MAGI3: variants seen among roughly 807,000 people sequenced by gnomAD.
MAGI3 encodes membrane-associated guanylate kinase, WW and PDZ domain-containing protein 3.
In MAGI3, 43 loss-of-function variants were observed where a neutral mutation model predicts 121.8. The observed-to-expected ratio is 0.35, with a 90% CI of 0.28 to 0.46. The LOEUF (loss-of-function observed/expected upper bound fraction) is 0.46, where lower values mean the gene tolerates loss of function less well. MAGI3 is among the 20% of genes least tolerant of loss of function. The pLI is 1.00. For synonymous variants in MAGI3, 553 were observed against 639.3 expected (o/e 0.86, Z 2.04); for missense variants, 1,547 against 1,797.3 (o/e 0.86, Z 2.52).
intron 1 of MAGI3, among the ~76,000 whole-genome samples, chr1:113,396,848 G>A (rs1307264762): frequency 6.6e-6 from 1 of 152,014 alleles, no homozygotes; most frequent in Non-Finnish European, 1.5e-5. Context: ...CTGTAGTAAG[G>A]GTTTTGCCTT....
chr1:113,401,722 C>T (rs1350127915), intron 1 of MAGI3, among the ~76,000 whole-genome samples: 5 of 152,276 alleles, frequency 3.3e-5, no homozygotes, highest in East Asian at 1.9e-4. Context: ...TAGAAAGGAA[C>T]GTACTTTAGA....
intron 5 of MAGI3, among the ~76,000 whole-genome samples, chr1:113,593,804 A>G (rs1355519157): frequency 6.6e-6 from 1 of 152,202 alleles, no homozygotes; most frequent in Non-Finnish European, 1.5e-5. Context: ...GGCCTATATC[A>G]TAAAATGAAG....
At chr1:113,618,579 C>G in intron 7 of MAGI3, 1 of 434,122 alleles carries the variant, frequency 2.3e-6, no homozygotes, top group Non-Finnish European at 4.6e-6. Context: ...GATCTCGGCT[C>G]ACTGCAACCT....
chr1:113,461,750 G>T (rs1365080994), intron 1 of MAGI3, among the ~76,000 whole-genome samples: 1 of 152,166 alleles, frequency 6.6e-6, no homozygotes, highest in Admixed American at 6.5e-5. Context: ...AAGAGCTTCT[G>T]CATAGCAAAA....
chr1:113,411,166 C>T (rs1651956473), intron 1 of MAGI3, among the ~76,000 whole-genome samples: 1 of 152,116 alleles, frequency 6.6e-6, no homozygotes, highest in Non-Finnish European at 1.5e-5. Flanking sequence ...TATTTAAAAA[C>T]TTGACAGATG....
chr1:113,523,502 G>A (rs1275796960), intron 1 of MAGI3, among the ~76,000 whole-genome samples: 1 of 152,160 alleles, frequency 6.6e-6, no homozygotes, highest in African/African-American at 2.4e-5. Context: ...ATGGAAATGA[G>A]GAACTTGTTG....
intron 1 of MAGI3, among the ~76,000 whole-genome samples, chr1:113,463,402 C>CA (rs11428519): frequency 0.15 from 23,060 of 151,106 alleles, 2,792 homozygotes; most frequent in East Asian, 0.63. Context: ...TGAGAGGGTG[C>CA]AACCAGTGAG....
chr1:113,645,939 G>GT (rs1652806627), intron 11 of MAGI3, among the ~76,000 whole-genome samples: 1 of 152,106 alleles, frequency 6.6e-6, no homozygotes, highest in Non-Finnish European at 1.5e-5. Flanking sequence ...GTCTTGCATG[G>GT]TACATTTTCT....
At chr1:113,675,892 A>G (rs1345626477) in intron 19 of MAGI3, among the ~76,000 whole-genome samples, 1 of 152,222 alleles carries the variant, frequency 6.6e-6, no homozygotes, top group East Asian at 1.9e-4. Flanking sequence ...CATCTGCAAA[A>G]TGCAGAACCA....
intron 17 of MAGI3, 78 bp downstream of exon 17, chr1:113,671,914 C>G: frequency 1.6e-6 from 2 of 1,263,320 alleles, no homozygotes; most frequent in East Asian, 4.9e-5. Flanking sequence ...AACCCCACTC[C>G]CCATCATCCA....
At chr1:113,509,202 T>G (rs1246425471) in intron 1 of MAGI3, among the ~76,000 whole-genome samples, 2 of 152,136 alleles carry the variant, frequency 1.3e-5, no homozygotes, top group African/African-American at 4.8e-5. Flanking sequence ...TTTACTCATT[T>G]TAAAACTTTA....
chr1:113,548,684 A>C (rs992067919), intron 1 of MAGI3, among the ~76,000 whole-genome samples: 1 of 152,226 alleles, frequency 6.6e-6, no homozygotes, highest in African/African-American at 2.4e-5. Context: ...TTTTGTTGCA[A>C]GTATAAGATA....
intron 1 of MAGI3, among the ~76,000 whole-genome samples, chr1:113,548,164 C>T (rs1659621325): frequency 6.6e-6 from 1 of 152,174 alleles, no homozygotes; most frequent in Non-Finnish European, 1.5e-5. Context: ...AAGTGCGTTG[C>T]TCTAAATAAA....
At chr1:113,456,514 G>A (rs952350921) in intron 1 of MAGI3, among the ~76,000 whole-genome samples, 8 of 152,138 alleles carry the variant, frequency 5.3e-5, no homozygotes, top group African/African-American at 1.7e-4. Context: ...CATGAATATG[G>A]ATGGGAAAAG....
intron 1 of MAGI3, among the ~76,000 whole-genome samples, chr1:113,471,968 A>G (rs1039715644): frequency 2.0e-5 from 3 of 152,216 alleles, no homozygotes; most frequent in South Asian, 2.1e-4. Flanking sequence ...TTGGGTGCAT[A>G]TATTTTTACA....
At chr1:113,541,717 G>GT (rs1570827892) in intron 1 of MAGI3, among the ~76,000 whole-genome samples, 4 of 152,168 alleles carry the variant, frequency 2.6e-5, no homozygotes, top group Admixed American at 6.5e-5. Flanking sequence ...GAAAGAATAT[G>GT]TTGATAGTTG....
chr1:113,616,238 C>T (rs999420000), intron 7 of MAGI3, among the ~76,000 whole-genome samples: 1 of 152,104 alleles, frequency 6.6e-6, no homozygotes, highest in African/African-American at 2.4e-5. Flanking sequence ...ACAGCAGCAG[C>T]GACATGATTT....
At chr1:113,448,055 A>G (rs1355221227) in intron 1 of MAGI3, among the ~76,000 whole-genome samples, 2 of 152,206 alleles carry the variant, frequency 1.3e-5, no homozygotes. Context: ...AAGTAGACAG[A>G]TGTAAATAAT....
At chr1:113,417,384 A>G (rs1411307847) in intron 1 of MAGI3, among the ~76,000 whole-genome samples, 1 of 152,104 alleles carries the variant, frequency 6.6e-6, no homozygotes, top group Non-Finnish European at 1.5e-5. Context: ...CACGTCTTAA[A>G]TTGGGGACCA....
Sources: gnomAD v4.1 joint callset for allele counts (sites outside exome capture counted in the v4.1 genomes callset) on GRCh38, gnomAD v4.1.1 for gene constraint, MANE v1.5 for transcripts, NCBI Gene and HGNC (gene_info 2026-07-23, HGNC 2026-07-21) for gene names.